BCAS3: variants seen among roughly 807,000 people sequenced by gnomAD.
BCAS3 encodes the protein BCAS4/BCAS3 fusion.
In BCAS3, 53 loss-of-function variants were observed where a neutral mutation model predicts 116.1. The observed-to-expected ratio is 0.46, with a 90% CI of 0.37 to 0.57. The LOEUF (loss-of-function observed/expected upper bound fraction) is 0.57, where lower values mean the gene tolerates loss of function less well. BCAS3 is among the 20% of genes least tolerant of loss of function. The pLI is 0.00. For missense variants in BCAS3, 917 were observed against 1,165.4 expected, an observed-to-expected ratio of 0.79 and a Z score of 3.10; for synonymous variants, 391 against 408.2, an observed-to-expected ratio of 0.96 and a Z score of 0.51.
At chr17:60,847,020 G>C (rs917786482) in intron 7 of BCAS3, among the ~76,000 whole-genome samples, 1 of 152,058 alleles carries the variant, frequency 6.6e-6, no homozygotes, top group Non-Finnish European at 1.5e-5. Flanking sequence ...TCTGCCTTCT[G>C]TCTCTGTGGA....
chr17:60,893,083 C>T (rs2057285078), intron 10 of BCAS3, among the ~76,000 whole-genome samples: 2 of 151,692 alleles, frequency 1.3e-5, no homozygotes, highest in African/African-American at 2.4e-5. Context: ...TGTTTATGTC[C>T]TTTGGGGTTT....
intron 22 of BCAS3, among the ~76,000 whole-genome samples, chr17:61,174,003 A>G (rs2079002320): frequency 6.6e-6 from 1 of 152,218 alleles, no homozygotes; most frequent in Non-Finnish European, 1.5e-5. Context: ...AAAAATGGAA[A>G]TTGCACATCA....
rs539389328 is a variant in BCAS3 at position 61,326,097 on chromosome 17, C to T, written c.2426-42230C>T. Reference sequence around the variant, plus strand: ...CAGTGGAGCTTGTGAAGTTTGTGGTCTAGGAGGGGAAAAGACATTAATCAG... The same window carrying T: ...CAGTGGAGCTTGTGAAGTTTGTGGTTTAGGAGGGGAAAAGACATTAATCAG... On this transcript the variant is annotated intron_variant, in intron 22 of 23. Transcript: ENST00000407086. This position sits in a 1 kb window ranked among gnomAD's most constrained non-coding sequence, Gnocchi z 5.3. Among the ~76,000 whole-genome samples, 5 of 152,114 alleles carry T rather than the reference C, an allele frequency of 3.3e-5. 1 individual carries two copies. In the South Asian group the frequency reaches 1.0e-3, roughly 32 times the overall value.
In BCAS3 at chr17:61,381,396, A is replaced by C. The variant is rs1184570751; in HGVS notation, c.2594-10581A>C. Among the ~76,000 whole-genome samples, 1 of 152,166 alleles carries C rather than the reference A, an allele frequency of 6.6e-6. No homozygotes were observed. Among genetic ancestry groups the C allele is most frequent in the Non-Finnish European group, 1.5e-5 (1 of 68,030 alleles). On this transcript the variant is annotated intron_variant, in intron 23 of 23. Transcript: ENST00000407086. This position sits in a 1 kb window ranked among gnomAD's most constrained non-coding sequence, Gnocchi z 6.0. ...CGTTTCCATCTGGACGGGCGGCGGC[A>C]CCACCACAATTAGCTGAGACTGTGA...
In BCAS3 at chr17:61,390,887, C is replaced by T. The variant is rs2060097237; in HGVS notation, c.2594-1090C>T. 6.6e-6 allele frequency: 1 copy of T among 152,312 alleles called. No individual in the cohort carries two copies. Among genetic ancestry groups the T allele is most frequent in the Non-Finnish European group, 1.5e-5 (1 of 68,126 alleles). The allele number at this position is 152,312 out of a possible 1,614,324, so 9.4% of individuals were successfully genotyped here. On this transcript the variant is annotated intron_variant, in intron 23 of 23. Coordinates refer to ENST00000407086, the MANE Select transcript of BCAS3 (RefSeq NM_017679.5). The surrounding 1 kb of genome is among the most constrained non-coding windows in gnomAD (Gnocchi z 6.8). ...TGGACAGGCCAGACTCCTTCAGTCA[C>T]AGGCAGGCATCCCTTGGAGAAGGAA...
At chr17:60,681,455 G>A (rs934090706) in intron 2 of BCAS3, among the ~76,000 whole-genome samples, 8 of 151,616 alleles carry the variant, frequency 5.3e-5, no homozygotes, top group Non-Finnish European at 1.2e-4. Flanking sequence ...AGCTGAGATC[G>A]CACCACTGCA....
At chr17:60,759,078 A>G (rs7503892) in intron 6 of BCAS3, among the ~76,000 whole-genome samples, 109,955 of 151,210 alleles carry the variant, frequency 0.73, 45,577 homozygotes, top group South Asian at 0.98. Flanking sequence ...GGTTCTATCG[A>G]TTCTCCTGCC....
Position 61,380,539 on chromosome 17 carries a change from C to G in BCAS3, c.2594-11438C>G. 6.3e-7 allele frequency: 1 copy of G among 1,598,268 alleles called. No homozygotes were observed. Among genetic ancestry groups the G allele is most frequent in the Non-Finnish European group, 8.5e-7 (1 of 1,179,682 alleles). The stretch of plus-strand genomic sequence containing the variant: ...CTTGACGTAGCAGTAAAAACCTTCC[C>G]CCCTGAGAGACACGTGGCAGTGAAG... On this transcript the variant is annotated intron_variant, in intron 23 of 23. Transcript: ENST00000407086. The surrounding 1 kb of genome is among the most constrained non-coding windows in gnomAD (Gnocchi z 4.2).
rs1156407444 is a variant in BCAS3, at chr17:61,215,935, A to C, written c.2425+131371A>C. Among the ~76,000 whole-genome samples the C allele has an allele frequency of 2.0e-5, 3 of 152,230 alleles. No homozygotes were observed. Among genetic ancestry groups the C allele is most frequent in the Non-Finnish European group, 4.4e-5 (3 of 68,056 alleles). On this transcript the variant is annotated intron_variant, in intron 22 of 23. Coordinates refer to ENST00000407086, the MANE Select transcript of BCAS3 (RefSeq NM_017679.5). This position sits in a 1 kb window ranked among gnomAD's most constrained non-coding sequence, Gnocchi z 4.8. Reference sequence around the variant, plus strand: ...CAGATCTCTGTGCTTTTCAGGATATAATAGGTAAATCCACTTCTCTAGTAT... The same window carrying C: ...CAGATCTCTGTGCTTTTCAGGATATCATAGGTAAATCCACTTCTCTAGTAT...
At chr17:60,991,680 G>A (rs1002680124) in intron 15 of BCAS3, among the ~76,000 whole-genome samples, 6 of 152,110 alleles carry the variant, frequency 3.9e-5, no homozygotes, top group African/African-American at 1.4e-4. Flanking sequence ...AAATGTGACA[G>A]TACATTCATG....
intron 14 of BCAS3, among the ~76,000 whole-genome samples, chr17:60,953,858 C>T (rs528798088): frequency 1.7e-3 from 255 of 151,936 alleles, no homozygotes; most frequent in Admixed American, 7.7e-3. Flanking sequence ...CTCAGCCTCC[C>T]GAGTAGCTGG....
At chr17:61,047,828 T>A (rs2143154800) in intron 19 of BCAS3, among the ~76,000 whole-genome samples, 1 of 152,156 alleles carries the variant, frequency 6.6e-6, no homozygotes, top group Admixed American at 6.5e-5. Flanking sequence ...AAATAATGTT[T>A]CCTCCTTTCT....
At chr17:61,308,259 A>G (rs540112892) in intron 22 of BCAS3, among the ~76,000 whole-genome samples, 21 of 152,238 alleles carry the variant, frequency 1.4e-4, no homozygotes, top group African/African-American at 5.1e-4. Flanking sequence ...GCCCATCATG[A>G]TGATAGTAAC....
intron 22 of BCAS3, among the ~76,000 whole-genome samples, chr17:61,108,998 C>T (rs1230185520): frequency 8.6e-5 from 13 of 151,852 alleles, no homozygotes; most frequent in Admixed American, 8.5e-4. Flanking sequence ...CCATCCTGGC[C>T]AACATGGTGA....
At position 61,063,441 on chromosome 17, in the gene BCAS3, T is replaced by A. The variant is rs934796386; in HGVS notation, c.2030-11479T>A. On this transcript the variant is annotated intron_variant, in intron 19 of 23. Transcript: ENST00000407086. The surrounding 1 kb of genome is among the most constrained non-coding windows in gnomAD (Gnocchi z 5.3). ...CCTGCCACCACGCTTGCTAATTTTT[T>A]ATATTTTTAGTAGAGACGGAGTTTC... is the stretch of plus-strand genomic sequence containing the variant. Among the ~76,000 whole-genome samples, 19 of 152,214 alleles carry A rather than the reference T, an allele frequency of 1.2e-4. No homozygotes were observed. Among genetic ancestry groups the A allele is most frequent in the African/African-American group, 4.6e-4 (19 of 41,530 alleles).
Position 61,211,640 on chromosome 17 carries a change from T to A in BCAS3, c.2425+127076T>A, listed in dbSNP as rs991696448. On this transcript the variant is annotated intron_variant, in intron 22 of 23. Transcript: ENST00000407086. The surrounding 1 kb of genome is among the most constrained non-coding windows in gnomAD (Gnocchi z 4.4). ...GAATTATGCATCATTAGACTGAACT[T>A]CTTATGTTTGCATCCAGGTCATTTC... 1.0e-4 allele frequency among the ~76,000 whole-genome samples: 15 copies of A among 149,318 alleles called. No homozygotes were observed. Among genetic ancestry groups the A allele is most frequent in the African/African-American group, 3.7e-4 (15 of 40,482 alleles).
chr17:60,819,963 G>A (rs999222890), intron 7 of BCAS3, among the ~76,000 whole-genome samples: 1 of 151,948 alleles, frequency 6.6e-6, no homozygotes, highest in South Asian at 2.1e-4. Flanking sequence ...ATAACCCTTA[G>A]TAAAGCCTGC....
At position 61,332,065 on chromosome 17, in the gene BCAS3, C is replaced by G. The variant is rs1279158061; in HGVS notation, c.2426-36262C>G. ...GTCTGGTTTGGCATGTGGGTCTCGA[C>G]CTCCCATGAGCAGGGCGAGGCTGCC... On this transcript the variant is annotated intron_variant, in intron 22 of 23. Coordinates refer to ENST00000407086, the MANE Select transcript of BCAS3 (RefSeq NM_017679.5). This position sits in a 1 kb window ranked among gnomAD's most constrained non-coding sequence, Gnocchi z 5.4. 6.6e-6 allele frequency among the ~76,000 whole-genome samples: 1 copy of G among 152,158 alleles called. No individual in the cohort carries two copies. Among genetic ancestry groups the G allele is most frequent in the African/African-American group, 2.4e-5 (1 of 41,428 alleles).
chr17:61,338,946 A>G (rs2056939131), intron 22 of BCAS3, among the ~76,000 whole-genome samples: 1 of 149,124 alleles, frequency 6.7e-6, no homozygotes, highest in Non-Finnish European at 1.5e-5. Flanking sequence ...AATAAGATGA[A>G]CTCTTCTTTC....
Sources: allele counts gnomAD v4.1 joint callset (sites outside exome capture counted in the v4.1 genomes callset), GRCh38; gene constraint gnomAD v4.1.1; non-coding constraint Gnocchi (gnomAD v3.1); transcripts MANE v1.5; gene names NCBI Gene and HGNC (gene_info 2026-07-23, HGNC 2026-07-21).